Variants in FGF12 observed in about 807,000 individuals in gnomAD.
The protein encoded by FGF12 is fibroblast growth factor 12.
FGF12 carries 14 observed loss-of-function variants against 23.6 expected under a neutral mutation model. The observed-to-expected ratio is 0.59, with a 90% CI of 0.39 to 0.93. FGF12 has a LOEUF of 0.93. Among genes scored for constraint, FGF12 ranks in the 40% least tolerant of loss-of-function variants. FGF12 has a pLI of 0.00. For synonymous variants in FGF12, 62 were observed against 77.3 expected (o/e 0.80, Z 1.04); for missense variants, 175 against 217.8 (o/e 0.80, Z 1.24).
At chr3:192,292,644 G>C (rs1257061925) in intron 4 of FGF12, among the ~76,000 whole-genome samples, 3 of 152,118 alleles carry the variant, frequency 2.0e-5, no homozygotes, top group Middle Eastern at 3.2e-3. Flanking sequence ...TATTTTAACG[G>C]TCTATACAAT....
intron 2 of FGF12, among the ~76,000 whole-genome samples, chr3:192,597,703 C>T (rs75545541): frequency 6.6e-6 from 1 of 152,222 alleles, no homozygotes; most frequent in African/African-American, 2.4e-5. Context: ...ATTCCAGACA[C>T]AGGCAGATTT....
intron 4 of FGF12, among the ~76,000 whole-genome samples, chr3:192,284,243 T>A (rs1022064535): frequency 6.6e-6 from 1 of 152,120 alleles, no homozygotes; most frequent in African/African-American, 2.4e-5. Flanking sequence ...ATGAGGAGGA[T>A]CATGGAATAT....
chr3:192,276,503 G>T (rs1296476240), intron 4 of FGF12, among the ~76,000 whole-genome samples: 1 of 152,130 alleles, frequency 6.6e-6, no homozygotes, highest in Admixed American at 6.6e-5. Context: ...GGTGCCTTAT[G>T]AGAAAATGAT....
chr3:192,504,329 C>G (rs1208487390), intron 2 of FGF12, among the ~76,000 whole-genome samples: 1 of 152,048 alleles, frequency 6.6e-6, no homozygotes, highest in Non-Finnish European at 1.5e-5. Context: ...ACATGTACCC[C>G]TGAACCTAAA....
intron 4 of FGF12, among the ~76,000 whole-genome samples, chr3:192,172,913 C>T (rs999689527): frequency 1.3e-5 from 2 of 150,936 alleles, no homozygotes; most frequent in Non-Finnish European, 3.0e-5. Context: ...TGGATAAATA[C>T]AGTGTGATAG....
intron 4 of FGF12, among the ~76,000 whole-genome samples, chr3:192,271,853 A>G (rs1812757): frequency 0.36 from 54,954 of 151,974 alleles, 11,004 homozygotes; most frequent in East Asian, 0.9. Context: ...AGCACTGTAA[A>G]AAGAAGTATC....
intron 2 of FGF12, among the ~76,000 whole-genome samples, chr3:192,711,119 C>G (rs577108569): frequency 6.6e-6 from 1 of 152,188 alleles, no homozygotes; most frequent in Non-Finnish European, 1.5e-5. Flanking sequence ...ATAAAAATAT[C>G]TTCGGGAAAT....
At chr3:192,589,354 A>T (rs1311064437) in intron 2 of FGF12, among the ~76,000 whole-genome samples, 1 of 151,760 alleles carries the variant, frequency 6.6e-6, no homozygotes, top group Non-Finnish European at 1.5e-5. Flanking sequence ...AAAAGTCCTA[A>T]AATTTTTTAA....
At chr3:192,279,185 T>C (rs1170871910) in intron 4 of FGF12, among the ~76,000 whole-genome samples, 1 of 150,634 alleles carries the variant, frequency 6.6e-6, no homozygotes, top group Non-Finnish European at 1.5e-5. Flanking sequence ...ATGATCAGTT[T>C]GTATACTGAT....
chr3:192,434,582 G>C (rs1414668140), intron 2 of FGF12, among the ~76,000 whole-genome samples: 1 of 152,140 alleles, frequency 6.6e-6, no homozygotes, highest in Admixed American at 6.5e-5. Context: ...TGGCAGAGAG[G>C]AAAGGAAAGA....
At chr3:192,581,099 T>A (rs6444645) in intron 2 of FGF12, among the ~76,000 whole-genome samples, 24,676 of 152,078 alleles carry the variant, frequency 0.16, 2,027 homozygotes, top group Middle Eastern at 0.18. Context: ...CATAATATAC[T>A]CAGTGAGAAG....
chr3:192,255,776 T>C (rs867104426), intron 4 of FGF12, among the ~76,000 whole-genome samples: 1 of 152,096 alleles, frequency 6.6e-6, no homozygotes, highest in African/African-American at 2.4e-5. Context: ...TTACATTTAC[T>C]AAACGTAGCC....
intron 2 of FGF12, among the ~76,000 whole-genome samples, chr3:192,511,253 A>ACACACACACACACC (rs1211816814): frequency 7.0e-6 from 1 of 142,980 alleles, no homozygotes; most frequent in African/African-American, 2.5e-5. Context: ...ACACACACAC[A>ACACACACACACACC]CCTGCTACTA....
chr3:192,678,722 A>G (rs1306094097), intron 2 of FGF12, among the ~76,000 whole-genome samples: 2 of 152,178 alleles, frequency 1.3e-5, no homozygotes, highest in Non-Finnish European at 2.9e-5. Context: ...ATAAACATTT[A>G]CGGGATAAAG....
intron 4 of FGF12, among the ~76,000 whole-genome samples, chr3:192,292,813 G>C (rs934836385): frequency 6.6e-6 from 1 of 152,082 alleles, no homozygotes; most frequent in Non-Finnish European, 1.5e-5. Flanking sequence ...GTCTCGCTTG[G>C]TCACCCAGGC....
At chr3:192,492,881 G>C (rs1246326373) in intron 2 of FGF12, among the ~76,000 whole-genome samples, 1 of 151,274 alleles carries the variant, frequency 6.6e-6, no homozygotes, top group Non-Finnish European at 1.5e-5. Context: ...CAGGATGGTA[G>C]AGATAAGAAG....
At chr3:192,369,452 A>G (rs1719126174) in intron 2 of FGF12, among the ~76,000 whole-genome samples, 1 of 152,228 alleles carries the variant, frequency 6.6e-6, no homozygotes, top group Non-Finnish European at 1.5e-5. Context: ...GAGACAGGCA[A>G]TCCTCAATCT....
At chr3:192,191,172 C>T (rs965249704) in intron 4 of FGF12, among the ~76,000 whole-genome samples, 3 of 151,980 alleles carry the variant, frequency 2.0e-5, no homozygotes, top group Admixed American at 6.6e-5. Flanking sequence ...TGAAGTTCTA[C>T]AAAACTATGA....
intron 4 of FGF12, among the ~76,000 whole-genome samples, chr3:192,207,076 A>T (rs764714320): frequency 4.6e-5 from 7 of 152,204 alleles, no homozygotes; most frequent in Admixed American, 6.5e-5. Flanking sequence ...AGAAAATGGG[A>T]TCAAATCAAA....
Sources: allele counts gnomAD v4.1 joint callset (sites outside exome capture counted in the v4.1 genomes callset), GRCh38; gene constraint gnomAD v4.1.1; transcripts MANE v1.5; gene names NCBI Gene and HGNC (gene_info 2026-07-23, HGNC 2026-07-21).